Variants in NME4 observed in about 807,000 individuals in gnomAD.
NME4 encodes the protein nucleoside diphosphate kinase D, mitochondrial.
NME4 carries 21 observed loss-of-function variants against 16.4 expected under a neutral mutation model. The observed-to-expected ratio is 1.28, with a 90% CI of 0.91 to 1.84. The LOEUF is 1.84. NME4 is among the 40% of genes most tolerant of loss of function. The pLI, the probability that NME4 is intolerant of heterozygous loss-of-function variation, is 0.00. For synonymous variants in NME4, 132 were observed against 107.5 expected (o/e 1.23, Z -1.41); for missense variants, 316 against 261.3 (o/e 1.21, Z -1.44).
chr16:398,967 C>T (rs2054602819), intron 1 of NME4, 23 bp from the exon 2 acceptor site: 1 of 1,608,944 alleles, frequency 6.2e-7, no homozygotes, highest in South Asian at 1.1e-5. Context: ...GTGGCAGTGC[C>T]TCTGACCTCT....
At chr16:399,880 G>A (rs1384971131) in intron 4 of NME4, 141 bp downstream of exon 4, 1 of 707,440 alleles carries the variant, frequency 1.4e-6, no homozygotes, top group Admixed American at 2.3e-5. Flanking sequence ...ACTGGTGAGA[G>A]CCGTGTTCTC....
At chr16:398,771 G>C in intron 1 of NME4, 1 of 632,288 alleles carries the variant, frequency 1.6e-6, no homozygotes. Flanking sequence ...CCCTGGGAGA[G>C]GCTAGAAGCC....
At position 400,322 on chromosome 16, in the gene NME4, A is replaced by G. The variant is rs755922691; in HGVS notation, c.544A>G (p.Ser182Gly). Residue 182 changes from serine to glycine, a missense_variant, in exon 5 of 5, where the codon AGC becomes GGC. Ser to Gly is a moderately conservative substitution (Grantham distance 56, BLOSUM62 0). Transcript: ENST00000219479. ...LVSWADGGQH[S>G]SIHPA is the part of the protein sequence containing the mutation. ...GAGCTGGGCAGACGGGGGCCAGCACAGCAGCATCCACCCAGCCTGAGGCTC... is the reference window on the plus strand; with the variant it reads ...GAGCTGGGCAGACGGGGGCCAGCACGGCAGCATCCACCCAGCCTGAGGCTC... 6.2e-6 allele frequency: 10 copies of G among 1,604,504 alleles called. No individual in the cohort carries two copies. The highest frequency in any genetic ancestry group is 7.6e-6 in the Non-Finnish European group (9 of 1,178,296).
At chr16:399,857 C>T (rs1258585331) in intron 4 of NME4, 118 bp downstream of exon 4, 1 of 793,766 alleles carries the variant, frequency 1.3e-6, no homozygotes, top group Non-Finnish European at 2.1e-6. Context: ...CCAGGTCGGA[C>T]ATGACAGCTC....
Position 400,359 on chromosome 16 carries a change from ACCACCCCATCCC to A in NME4, c.*22_*33del. The A allele has an allele frequency of 6.3e-7, 1 of 1,594,678 alleles. No individual in the cohort carries two copies. Among genetic ancestry groups the A allele is most frequent in the Non-Finnish European group, 8.5e-7 (1 of 1,177,118 alleles). On this transcript the variant is annotated 3_prime_UTR_variant, in exon 5 of 5. Coordinates refer to ENST00000219479, the MANE Select transcript of NME4 (RefSeq NM_005009.3). Reference sequence around the variant, plus strand: ...CCAGCCTGAGGCTCAAGCTGCCCTTACCACCCCATCCCCCACGCAGGACCAACTACCTCCGTC... The same window carrying A: ...CCAGCCTGAGGCTCAAGCTGCCCTTACCACGCAGGACCAACTACCTCCGTC...
intron 2 of NME4, 24 bp from the exon 3 acceptor site, chr16:399,352 GCTC>G (rs748791524): frequency 1.2e-6 from 2 of 1,607,054 alleles, no homozygotes; most frequent in South Asian, 1.1e-5. Flanking sequence ...ACTGTCTGCG[GCTC>G]CTCCTTACCT....
At chr16:400,164 ATT>A (rs756611134) in intron 4 of NME4, 53 bp from the exon 5 acceptor site, 63 of 1,610,670 alleles carry the variant, frequency 3.9e-5, no homozygotes, top group Middle Eastern at 3.3e-4. Context: ...GGTCCCTGGG[ATT>A]CCTCAGGGTG....
At chr16:399,991 G>T (rs558443013) in intron 4 of NME4, 2 of 702,308 alleles carry the variant, frequency 2.8e-6, no homozygotes, top group Admixed American at 2.5e-5. Context: ...GGGGCAACTT[G>T]GGGGGAAATG....
chr16:398,539 G>C, intron 1 of NME4: 1 of 623,608 alleles, frequency 1.6e-6, no homozygotes, highest in Non-Finnish European at 2.3e-6. Context: ...CTGGAGTTTT[G>C]CAGGATCTCC....
In NME4 at chr16:400,543, C is replaced by A. The variant is rs943306116; in HGVS notation, c.*201C>A. On this transcript the variant is annotated 3_prime_UTR_variant, in exon 5 of 5. Transcript: ENST00000219479. Reference sequence around the variant, plus strand: ...CAAGCCAGCACAAGATTGGACCAATCCTTTTTGCACCAAAGTGCCGGACAA... The same window carrying A: ...CAAGCCAGCACAAGATTGGACCAATACTTTTTGCACCAAAGTGCCGGACAA... 5.4e-6 allele frequency: 3 copies of A among 551,406 alleles called. No homozygotes were observed. The highest frequency in any genetic ancestry group is 9.1e-6 in the Non-Finnish European group (3 of 329,602). 34.2% of individuals were successfully genotyped at this position (551,406 alleles called of 1,614,324 possible).
chr16:398,432 C>G (rs565328967), intron 1 of NME4: 30 of 1,198,126 alleles, frequency 2.5e-5, no homozygotes, highest in Non-Finnish European at 3.2e-5. Flanking sequence ...TCATTCACCT[C>G]AGACACAGGG....
In NME4 at chr16:399,390, C is replaced by T. The variant is rs141660619; in HGVS notation, c.237C>T (p.Ser79=). ...VGMKMLQAPE[S]VLAEHYQDLR... ...TCAATGCCACCCAGGCACCAGAGAG[C>T]GTCCTTGCCGAGCACTACCAGGACC... The change falls in exon 3 of 5, where the codon AGC becomes AGT. Residue 79 remains serine (S), a synonymous_variant. Coordinates refer to ENST00000219479, the MANE Select transcript of NME4 (RefSeq NM_005009.3). The T allele has an allele frequency of 1.1e-5, 18 of 1,612,862 alleles. No homozygotes were observed. Among genetic ancestry groups the T allele is most frequent in the East Asian group, 4.5e-5 (2 of 44,876 alleles).
At chr16:399,781 G>A (rs374386148) in intron 4 of NME4, 42 bp downstream of exon 4, 1 of 1,533,248 alleles carries the variant, frequency 6.5e-7, no homozygotes. Flanking sequence ...TGGGGGCAAG[G>A]AGGGCCATCA....
Position 398,974 on chromosome 16 carries a change from CT to C in NME4, c.92-15del. The C allele has an allele frequency of 6.2e-7, 1 of 1,609,530 alleles. No individual in the cohort carries two copies. Among genetic ancestry groups the C allele is most frequent in the Non-Finnish European group, 8.5e-7 (1 of 1,179,812 alleles). ...AGGGTGAGGTGGCAGTGCCTCTGAC[CT>C]CTTGCCTTTTGAAGGAGGGCCCTCC... On this transcript the variant is annotated splice_polypyrimidine_tract_variant and intron_variant, in intron 1 of 4. Coordinates refer to ENST00000219479, the MANE Select transcript of NME4 (RefSeq NM_005009.3).
intron 2 of NME4, 78 bp from the exon 3 acceptor site, chr16:399,301 G>C: frequency 1.4e-6 from 2 of 1,469,146 alleles, no homozygotes; most frequent in South Asian, 1.1e-5. Context: ...CAAGGTGCCT[G>C]AGGTCAGGGC....
chr16:397,327 C>T lies in NME4; in HGVS notation c.91+14C>T, dbSNP rs1313610908. ...GCCACGGCTCGGGTGAGTGGGGCCG[C>T]GCGCCCCGGCGGGGACGCGGAGGGG... On this transcript the variant is annotated intron_variant, in intron 1 of 4. Transcript: ENST00000219479. The T allele has an allele frequency of 6.9e-6, 7 of 1,012,212 alleles. No homozygotes were observed. The highest frequency in any genetic ancestry group is 8.4e-6 in the Non-Finnish European group (7 of 838,140). The allele number at this position is 1,012,212 out of a possible 1,614,324, so 62.7% of individuals were successfully genotyped here.
chr16:398,040 A>C (rs2054585047), intron 1 of NME4: 6 of 1,533,090 alleles, frequency 3.9e-6, no homozygotes, highest in African/African-American at 1.4e-5. Context: ...TGCTGGGGTT[A>C]ACTTTTCCTC....
At position 397,896 on chromosome 16, in the gene NME4, CTG is replaced by C. The variant is rs2054581130; in HGVS notation, c.91+584_91+585del. The C allele has an allele frequency of 1.9e-6, 3 of 1,554,386 alleles. No homozygotes were observed. In the Admixed American group the frequency reaches 5.8e-5, roughly 30 times the overall value. On this transcript the variant is annotated intron_variant, in intron 1 of 4. Coordinates refer to ENST00000219479, the MANE Select transcript of NME4 (RefSeq NM_005009.3). ...TGTCCCAGGGCTCCCTCCATCGGCT[CTG>C]AAAAGTGAGCCGCCGCCTGCAATGC...
At chr16:397,960 G>T in intron 1 of NME4, 2 of 1,546,534 alleles carry the variant, frequency 1.3e-6, no homozygotes, top group South Asian at 2.4e-5. Context: ...GCTACACAAG[G>T]CGCCCTGCAA....
Sources: allele counts gnomAD v4.1 joint callset, GRCh38; gene constraint gnomAD v4.1.1; transcripts MANE v1.5; gene names NCBI Gene and HGNC (gene_info 2026-07-23, HGNC 2026-07-21).